The following TOX2 variants were observed in gnomAD, a reference collection of about 807,000 sequenced individuals.
TOX2 encodes the protein granulosa cell HMG box 1.
TOX2 carries 15 observed loss-of-function variants against 47.4 expected under a neutral mutation model. That is an observed-to-expected ratio of 0.32 (90% CI 0.21 to 0.49). The LOEUF is 0.49. Among genes scored for constraint, TOX2 ranks in the 20% least tolerant of loss-of-function variants. TOX2 has a pLI of 0.99. For synonymous variants in TOX2, 290 were observed against 296.6 expected, an observed-to-expected ratio of 0.98 and a Z score of 0.23; for missense variants, 622 against 673.1, an observed-to-expected ratio of 0.92 and a Z score of 0.84.
At chr20:43,986,484 G>A (rs1161444741) in intron 2 of TOX2, among the ~76,000 whole-genome samples, 2 of 152,046 alleles carry the variant, frequency 1.3e-5, no homozygotes, top group South Asian at 4.2e-4. Flanking sequence ...GTTTTTCCAT[G>A]TTGGCCAGGC....
intron 2 of TOX2, among the ~76,000 whole-genome samples, chr20:44,003,930 G>T (rs578032908): frequency 1.3e-5 from 2 of 152,310 alleles, no homozygotes; most frequent in South Asian, 2.1e-4. Context: ...GATTGACATC[G>T]TGTGATGATC....
At chr20:43,956,812 C>T (rs1456395103) in intron 1 of TOX2, among the ~76,000 whole-genome samples, 1 of 152,156 alleles carries the variant, frequency 6.6e-6, no homozygotes, top group Non-Finnish European at 1.5e-5. Context: ...TGCATTTCCC[C>T]ACTTGCCATT....
intron 1 of TOX2, among the ~76,000 whole-genome samples, chr20:43,929,191 G>C (rs1235404386): frequency 6.6e-6 from 1 of 151,732 alleles, no homozygotes; most frequent in Admixed American, 6.6e-5. Context: ...AACAAAAACA[G>C]GGAAAAAAAC....
chr20:43,946,072 G>C (rs998168500), intron 1 of TOX2: 1 of 1,610,790 alleles, frequency 6.2e-7, no homozygotes, highest in African/African-American at 1.3e-5. Flanking sequence ...CCATGAGGTG[G>C]AGGTGGTCAG....
intron 5 of TOX2, among the ~76,000 whole-genome samples, chr20:44,058,738 C>G (rs551158036): frequency 1.3e-5 from 2 of 152,292 alleles, no homozygotes; most frequent in East Asian, 3.9e-4. Flanking sequence ...GCAGACACTC[C>G]CCAGTACTAG....
Position 44,006,681 on chromosome 20 carries a change from C to A in TOX2, c.300C>A (p.Thr100=), listed in dbSNP as rs772309501. ...ASYHSLCHGL[T]PNGLLPAYSY... The stretch of plus-strand genomic sequence containing the variant: ...ACCACTCGCTGTGCCACGGCCTCAC[C>A]CCCAACGGTCTGCTCCCTGCCTACT... Residue 100 remains threonine, a synonymous_variant, in exon 3 of 9, where the codon ACC becomes ACA. Coordinates refer to ENST00000341197, the MANE Select transcript of TOX2 (RefSeq NM_001098797.2). The A allele has an allele frequency of 6.2e-7, 1 of 1,614,106 alleles. No individual in the cohort carries two copies.
At chr20:44,041,094 G>A (rs1214001244) in intron 3 of TOX2, among the ~76,000 whole-genome samples, 2 of 152,160 alleles carry the variant, frequency 1.3e-5, no homozygotes, top group African/African-American at 2.4e-5. Context: ...ATGTAGCCTC[G>A]GCTGGAGACT....
At chr20:44,004,191 G>A (rs1382524839) in intron 2 of TOX2, among the ~76,000 whole-genome samples, 1 of 152,208 alleles carries the variant, frequency 6.6e-6, no homozygotes, top group Non-Finnish European at 1.5e-5. Context: ...ACAGGGACAC[G>A]GCAGGGGAAG....
At position 43,936,947 on chromosome 20, in the gene TOX2, A is replaced by G. The variant is rs772369058; in HGVS notation, c.99+21957A>G. On this transcript the variant is annotated intron_variant, in intron 1 of 8. Transcript: ENST00000341197. ...CTCTTCAGACAGCAGACATTCATCG[A>G]GTCCCTGCTGTGTGCCAGGCACTGT... 2.6e-4 allele frequency among the ~76,000 whole-genome samples: 40 copies of G among 152,202 alleles called. 1 individual carries two copies. The highest frequency in any genetic ancestry group is 4.9e-4 in the Non-Finnish European group (33 of 68,030).
At position 44,026,248 on chromosome 20, in the gene TOX2, T is replaced by TATACATACACACAC. The variant is rs750976068; in HGVS notation, c.411+19457_411+19458insTACATACACACACA. Among the ~76,000 whole-genome samples the TATACATACACACAC allele has an allele frequency of 5.9e-4, 40 of 67,742 alleles. 5 individuals are homozygous for TATACATACACACAC. Among genetic ancestry groups the TATACATACACACAC allele is most frequent in the African/African-American group, 2.9e-3 (40 of 13,854 alleles). The allele number at this position is 67,742 out of a possible 152,430, so 44.4% of individuals were successfully genotyped here. ...ACTGTGATATATATATATATATATA[T>TATACATACACACAC]AGACACACACACACACAATGGAATA... On this transcript the variant is annotated intron_variant, in intron 3 of 8. Transcript: ENST00000341197.
chr20:43,985,371 G>A (rs983903286), intron 2 of TOX2, among the ~76,000 whole-genome samples: 1 of 152,232 alleles, frequency 6.6e-6, no homozygotes, highest in African/African-American at 2.4e-5. Context: ...GCTGGAAGCT[G>A]TGTGTCACAT....
At chr20:43,951,705 A>ATTTTTTTTTTTTTTTTTTTTTTTTTTT (rs1212223106) in intron 1 of TOX2, among the ~76,000 whole-genome samples, 11 of 30,386 alleles carry the variant, frequency 3.6e-4, no homozygotes, top group Admixed American at 3.8e-4. Context: ...TAAACTTATT[A>ATTTTTTTTTTTTTTTTTTTTTTTTTTT]TGTTTTTTTT....
chr20:43,927,623 TCCTCCTTCCTTCCTTCCTCC>T (rs1569003410), intron 1 of TOX2, among the ~76,000 whole-genome samples: 20 of 75,822 alleles, frequency 2.6e-4, no homozygotes, highest in African/African-American at 2.6e-3. Context: ...CTTCCTTCCT[TCCTCCTTCCTTCCTTCCTCC>T]CCTTCCCTTC....
At chr20:43,992,521 A>G (rs1312294352) in intron 2 of TOX2, among the ~76,000 whole-genome samples, 1 of 151,962 alleles carries the variant, frequency 6.6e-6, no homozygotes, top group East Asian at 1.9e-4. Flanking sequence ...ACTGTGGGAA[A>G]CTCATGTGGC....
chr20:44,007,568 G>T (rs909367934), intron 3 of TOX2: 1 of 152,472 alleles, frequency 6.6e-6, no homozygotes, highest in Non-Finnish European at 1.5e-5. Flanking sequence ...CTCTGTTGCC[G>T]GGCATGGTGG....
chr20:44,005,932 G>A (rs183368372), intron 2 of TOX2, among the ~76,000 whole-genome samples: 13 of 152,062 alleles, frequency 8.5e-5, no homozygotes, highest in Non-Finnish European at 1.5e-4. Context: ...GGACAGTTTG[G>A]CGAGGTGGGA....
chr20:43,938,301 T>C (rs868791486), intron 1 of TOX2, among the ~76,000 whole-genome samples: 11 of 152,342 alleles, frequency 7.2e-5, no homozygotes, highest in Non-Finnish European at 1.2e-4. Context: ...CTCCACCCGC[T>C]GTGGGATGAC....
At chr20:44,023,373 T>C (rs936091317) in intron 3 of TOX2, among the ~76,000 whole-genome samples, 4 of 130,732 alleles carry the variant, frequency 3.1e-5, no homozygotes, top group African/African-American at 1.2e-4. Flanking sequence ...GAGTTTGCAA[T>C]GAGCCAAGAT....
chr20:44,033,737 G>A (rs1009493245), intron 3 of TOX2, among the ~76,000 whole-genome samples: 6 of 152,000 alleles, frequency 3.9e-5, no homozygotes, highest in Admixed American at 1.3e-4. Flanking sequence ...CAAAGAGAAC[G>A]AGCCCTGCCA....
Sources: gnomAD v4.1 joint callset for allele counts (sites outside exome capture counted in the v4.1 genomes callset) on GRCh38, gnomAD v4.1.1 for gene constraint, MANE v1.5 for transcripts, NCBI Gene and HGNC (gene_info 2026-07-23, HGNC 2026-07-21) for gene names.